The following THRB variants were observed in gnomAD, a reference collection of about 807,000 sequenced individuals.
The protein encoded by THRB is nuclear receptor subfamily 1 group A member 2.
Under a neutral mutation model 47.8 loss-of-function variants are expected in THRB, and 12 were observed. The ratio of observed to expected loss-of-function variants is 0.25; its 90% confidence interval spans 0.16 to 0.41. The LOEUF is 0.41. Ranked by LOEUF, THRB falls within the 10% of genes least tolerant of loss-of-function variation. The pLI, the probability that THRB is intolerant of heterozygous loss-of-function variation, is 1.00. For missense variants in THRB, 348 were observed against 589.2 expected (o/e 0.59, Z 4.24); for synonymous variants, 218 against 212.2 (o/e 1.03, Z -0.24).
At chr3:24,296,617 T>C (rs974976852) in intron 3 of THRB, among the ~76,000 whole-genome samples, 2 of 152,154 alleles carry the variant, frequency 1.3e-5, no homozygotes, top group African/African-American at 4.8e-5. Context: ...CTATGACCAG[T>C]ACAGGAACAA....
chr3:24,171,773 T>TA (rs2040474607), intron 5 of THRB, among the ~76,000 whole-genome samples: 1 of 152,132 alleles, frequency 6.6e-6, no homozygotes, highest in South Asian at 2.1e-4. Context: ...CTTGAGTCAC[T>TA]AGATCATGCA....
chr3:24,216,108 A>T (rs1280256748), intron 4 of THRB, among the ~76,000 whole-genome samples: 2 of 152,214 alleles, frequency 1.3e-5, no homozygotes, highest in East Asian at 3.8e-4. Flanking sequence ...TCAATATTTT[A>T]AAAATCCAGT....
intron 2 of THRB, among the ~76,000 whole-genome samples, chr3:24,317,523 A>G (rs2058202450): frequency 6.6e-6 from 1 of 152,174 alleles, no homozygotes; most frequent in East Asian, 1.9e-4. Flanking sequence ...AACACCAAGA[A>G]CATTACTCAA....
intron 1 of THRB, among the ~76,000 whole-genome samples, chr3:24,353,645 T>C (rs915509916): frequency 3.9e-5 from 6 of 152,132 alleles, no homozygotes; most frequent in Non-Finnish European, 5.9e-5. Flanking sequence ...GGTTAATCTG[T>C]TTTATCATTT....
At chr3:24,475,717 C>T (rs1473412041) in intron 1 of THRB, among the ~76,000 whole-genome samples, 1 of 152,076 alleles carries the variant, frequency 6.6e-6, no homozygotes, top group Non-Finnish European at 1.5e-5. Context: ...CACTATCAAG[C>T]AAATTATTTT....
At chr3:24,423,176 G>A (rs2069434035) in intron 1 of THRB, among the ~76,000 whole-genome samples, 1 of 151,818 alleles carries the variant, frequency 6.6e-6, no homozygotes, top group Admixed American at 6.6e-5. Flanking sequence ...CCCAATCAAT[G>A]ACCAATGAAG....
chr3:24,354,233 T>C (rs1003636434), intron 1 of THRB, among the ~76,000 whole-genome samples: 27 of 151,944 alleles, frequency 1.8e-4, no homozygotes, highest in African/African-American at 6.0e-4. Context: ...GGGTGGAGGA[T>C]AGGAGGAGGG....
chr3:24,436,844 C>A (rs1299796484), intron 1 of THRB, among the ~76,000 whole-genome samples: 1 of 152,098 alleles, frequency 6.6e-6, no homozygotes, highest in Admixed American at 6.6e-5. Flanking sequence ...AATCTCTTCA[C>A]ATGATGATCA....
At chr3:24,222,629 C>T (rs1035959541) in intron 4 of THRB, among the ~76,000 whole-genome samples, 2 of 152,156 alleles carry the variant, frequency 1.3e-5, no homozygotes. Flanking sequence ...GTGTAATAGC[C>T]TCCCTTCTGC....
intron 3 of THRB, among the ~76,000 whole-genome samples, chr3:24,278,842 ATTTAT>A (rs1440200497): frequency 6.6e-6 from 1 of 151,952 alleles, no homozygotes; most frequent in African/African-American, 2.4e-5. Context: ...TATTACATTT[ATTTAT>A]TTATTATTTA....
At chr3:24,150,817 CT>C (rs2036809440) in intron 6 of THRB, among the ~76,000 whole-genome samples, 1 of 152,132 alleles carries the variant, frequency 6.6e-6, no homozygotes, top group African/African-American at 2.4e-5. Context: ...AATCTCAGTG[CT>C]GCAACTAAGG....
intron 1 of THRB, among the ~76,000 whole-genome samples, chr3:24,447,862 A>T (rs1205044325): frequency 6.6e-6 from 1 of 151,860 alleles, no homozygotes; most frequent in East Asian, 2.0e-4. Context: ...AGGAGTTTGA[A>T]CTATAAAGAG....
chr3:24,190,374 T>C (rs776754747), intron 4 of THRB, 40 bp from the exon 5 acceptor site: 1 of 1,613,738 alleles, frequency 6.2e-7, no homozygotes, highest in Non-Finnish European at 8.5e-7. Flanking sequence ...GCTGTTGGCA[T>C]TGTCAAGATT....
chr3:24,310,755 A>G (rs1050910998), intron 2 of THRB, among the ~76,000 whole-genome samples: 1 of 152,142 alleles, frequency 6.6e-6, no homozygotes, highest in African/African-American at 2.4e-5. Context: ...CTCTATTGGC[A>G]TCTAGTGGGT....
intron 3 of THRB, among the ~76,000 whole-genome samples, chr3:24,256,140 G>C (rs1264135105): frequency 6.6e-6 from 1 of 152,210 alleles, no homozygotes; most frequent in Non-Finnish European, 1.5e-5. Context: ...TTTGTGTCAT[G>C]GAACTAAGGG....
At chr3:24,184,406 G>A (rs1014109284) in intron 5 of THRB, among the ~76,000 whole-genome samples, 6 of 152,216 alleles carry the variant, frequency 3.9e-5, no homozygotes, top group African/African-American at 1.4e-4. Context: ...GTTGGCCTTG[G>A]AAAGCGTGGG....
intron 3 of THRB, among the ~76,000 whole-genome samples, chr3:24,241,567 G>T (rs2049511908): frequency 6.6e-6 from 1 of 152,152 alleles, no homozygotes; most frequent in African/African-American, 2.4e-5. Flanking sequence ...TGGCCAGTGT[G>T]ATCTATCCAA....
At chr3:24,274,979 A>G (rs1007868346) in intron 3 of THRB, among the ~76,000 whole-genome samples, 1 of 152,188 alleles carries the variant, frequency 6.6e-6, no homozygotes, top group Non-Finnish European at 1.5e-5. Context: ...TTGTGCATTC[A>G]TCTATTTTTC....
intron 5 of THRB, among the ~76,000 whole-genome samples, chr3:24,189,382 A>C (rs2043045937): frequency 6.6e-6 from 1 of 152,168 alleles, no homozygotes; most frequent in African/African-American, 2.4e-5. Flanking sequence ...GAAAGACACA[A>C]ATTGATTTAA....
Sources: allele counts gnomAD v4.1 joint callset (sites outside exome capture counted in the v4.1 genomes callset), GRCh38; gene constraint gnomAD v4.1.1; transcripts MANE v1.5; gene names NCBI Gene and HGNC (gene_info 2026-07-23, HGNC 2026-07-21).